Variants in SH3BGRL observed in about 807,000 individuals in gnomAD.
The protein encoded by SH3BGRL is adapter SH3BGRL.
A neutral mutation model predicts 9.8 loss-of-function variants in SH3BGRL; 7 were observed. The observed-to-expected ratio is 0.72, with a 90% confidence interval of 0.41 to 1.35. SH3BGRL has a LOEUF of 1.35. SH3BGRL is among the 40% of genes most tolerant of loss of function. The pLI is 0.01. For synonymous variants in SH3BGRL, 36 were observed against 29.1 expected (o/e 1.24, Z -0.76); for missense variants, 73 against 84.4 (o/e 0.86, Z 0.53).
At chrX:81,263,121 C>T (rs2075746177) in intron 1 of SH3BGRL, among the ~76,000 whole-genome samples, 1 of 109,416 alleles carries the variant, frequency 9.1e-6, no homozygotes, top group African/African-American at 3.3e-5. Context: ...ATTAGAATGG[C>T]ATCAGTGGAG....
chrX:81,271,386 ATCT>A (rs1187452460), intron 1 of SH3BGRL, among the ~76,000 whole-genome samples: 4 of 112,086 alleles, frequency 3.6e-5, no homozygotes, highest in Non-Finnish European at 5.6e-5. Context: ...CTTGGAAGTG[ATCT>A]TCTTTTTCTT....
At chrX:81,275,738 G>T (rs1354947470) in intron 1 of SH3BGRL, among the ~76,000 whole-genome samples, 2 of 111,466 alleles carry the variant, frequency 1.8e-5, no homozygotes, top group African/African-American at 6.5e-5. Flanking sequence ...CTTTAAAGAG[G>T]GACATTCAGT....
At chrX:81,288,100 G>A (rs1195791083) in intron 3 of SH3BGRL, among the ~76,000 whole-genome samples, 2 of 111,506 alleles carry the variant, frequency 1.8e-5, no homozygotes, top group African/African-American at 6.5e-5. Flanking sequence ...CTGACCAAGT[G>A]AGAATTTTTT....
At chrX:81,217,832 C>T (rs1167264268) in intron 1 of SH3BGRL, among the ~76,000 whole-genome samples, 2 of 110,627 alleles carry the variant, frequency 1.8e-5, no homozygotes, top group Non-Finnish European at 3.8e-5. Context: ...TGACCTGTCT[C>T]GTGCTGTCAG....
intron 1 of SH3BGRL, among the ~76,000 whole-genome samples, chrX:81,259,492 A>G (rs748352654): frequency 3.6e-5 from 4 of 112,016 alleles, no homozygotes; most frequent in Non-Finnish European, 7.5e-5. Flanking sequence ...CCGAATTGGT[A>G]ATGGTAGTGA....
At chrX:81,257,088 C>G (rs867193644) in intron 1 of SH3BGRL, among the ~76,000 whole-genome samples, 1 of 73,204 alleles carries the variant, frequency 1.4e-5, no homozygotes, top group South Asian at 7.9e-4. Flanking sequence ...CTATGGGTCA[C>G]AGATATGATA....
intron 1 of SH3BGRL, among the ~76,000 whole-genome samples, chrX:81,270,962 TC>T (rs1230887538): frequency 2.8e-5 from 3 of 109,089 alleles, no homozygotes; most frequent in Admixed American, 9.8e-5. Context: ...AAGGTGGACG[TC>T]CCCCCCCAAC....
intron 3 of SH3BGRL, among the ~76,000 whole-genome samples, chrX:81,281,571 G>A (rs376003106): frequency 8.9e-6 from 1 of 112,092 alleles, no homozygotes; most frequent in African/African-American, 3.2e-5. Context: ...GTGAAATTAA[G>A]CATCATATAT....
At chrX:81,278,009 C>T (rs190784897) in intron 2 of SH3BGRL, among the ~76,000 whole-genome samples, 1 of 111,886 alleles carries the variant, frequency 8.9e-6, no homozygotes, top group East Asian at 2.8e-4. Context: ...GTTGCCCAGG[C>T]TGGAGTGCAG....
chrX:81,218,790 T>A (rs1214547232), intron 1 of SH3BGRL, among the ~76,000 whole-genome samples: 4 of 89,704 alleles, frequency 4.5e-5, no homozygotes, highest in Admixed American at 2.5e-4. Flanking sequence ...TATATCTGTA[T>A]GTATATATAG....
At chrX:81,245,177 G>A (rs2039583485) in intron 1 of SH3BGRL, among the ~76,000 whole-genome samples, 1 of 111,625 alleles carries the variant, frequency 9.0e-6, no homozygotes, top group African/African-American at 3.3e-5. Context: ...CTATCCAAAT[G>A]ATGCATTGTG....
intron 1 of SH3BGRL, among the ~76,000 whole-genome samples, chrX:81,204,001 C>T (rs1237342672): frequency 1.8e-5 from 2 of 110,948 alleles, no homozygotes; most frequent in African/African-American, 3.3e-5. Flanking sequence ...TGGTAGTGGG[C>T]GTAGTACCCA....
intron 1 of SH3BGRL, among the ~76,000 whole-genome samples, chrX:81,244,134 G>C (rs1190144648): frequency 1.8e-5 from 2 of 110,852 alleles, no homozygotes; most frequent in African/African-American, 6.6e-5. Flanking sequence ...TAAAATCCTT[G>C]TATCTAACAT....
chrX:81,284,508 G>A (rs1027787110), intron 3 of SH3BGRL, among the ~76,000 whole-genome samples: 8 of 110,900 alleles, frequency 7.2e-5, no homozygotes, highest in Non-Finnish European at 1.5e-4. Context: ...CTTGGTGATT[G>A]GGAAATGAAG....
intron 1 of SH3BGRL, among the ~76,000 whole-genome samples, chrX:81,249,507 G>A (rs1003378181): frequency 8.9e-6 from 1 of 112,088 alleles, no homozygotes; most frequent in Non-Finnish European, 1.9e-5. Flanking sequence ...TTTACTAGGG[G>A]ACTCATGAAC....
At chrX:81,223,694 G>A (rs2075607911) in intron 1 of SH3BGRL, among the ~76,000 whole-genome samples, 2 of 110,971 alleles carry the variant, frequency 1.8e-5, no homozygotes, top group South Asian at 7.6e-4. Flanking sequence ...TTTAAAATTA[G>A]TGTTTTAAAC....
chrX:81,275,925 T>C (rs2075797254), intron 1 of SH3BGRL, among the ~76,000 whole-genome samples: 1 of 111,587 alleles, frequency 9.0e-6, no homozygotes, highest in Non-Finnish European at 1.9e-5. Flanking sequence ...GATGGAGGGG[T>C]GTAAATCCAG....
Position 81,297,507 on chromosome X carries a change from T to C in SH3BGRL, c.*280T>C, listed in dbSNP as rs2075879304. On this transcript the variant is annotated 3_prime_UTR_variant, in exon 4 of 4. Transcript: ENST00000373212. Reference sequence around the variant, plus strand: ...CAAGCCATCCTGTATACACCAATGATTTTACAAAGAAAACACCCTTCCCTC... The same window carrying C: ...CAAGCCATCCTGTATACACCAATGACTTTACAAAGAAAACACCCTTCCCTC... The C allele has an allele frequency of 5.4e-6, 1 of 183,645 alleles. No individual in the cohort carries two copies. Among genetic ancestry groups the C allele is most frequent in the African/African-American group, 3.0e-5 (1 of 33,232 alleles). The allele number at this position is 183,645 out of a possible 1,213,427, so 15.1% of individuals were successfully genotyped here. A position where few individuals can be genotyped will look rare whatever the true frequency, so the allele number is the denominator to read the frequency against.
chrX:81,225,972 T>A (rs759935338), intron 1 of SH3BGRL, among the ~76,000 whole-genome samples: 17 of 111,262 alleles, frequency 1.5e-4, no homozygotes, highest in African/African-American at 4.9e-4. Flanking sequence ...GTACAATATA[T>A]CATCATTAAC....
Sources: allele counts gnomAD v4.1 joint callset (sites outside exome capture counted in the v4.1 genomes callset), GRCh38; gene constraint gnomAD v4.1.1; transcripts MANE v1.5; gene names NCBI Gene and HGNC (gene_info 2026-07-23, HGNC 2026-07-21).